ERC2: variants seen among roughly 807,000 people sequenced by gnomAD.
The protein encoded by ERC2 is ELKS/RAB6-interacting/CAST family member 2.
In ERC2, 42 loss-of-function variants were observed where a neutral mutation model predicts 114.8. The observed-to-expected ratio is 0.37, with a 90% CI of 0.29 to 0.47. ERC2 has a LOEUF of 0.47. Among genes scored for constraint, ERC2 ranks in the 20% least tolerant of loss-of-function variants. The pLI, the probability that ERC2 is intolerant of heterozygous loss-of-function variation, is 0.99. For synonymous variants in ERC2, 454 were observed against 425.5 expected (o/e 1.07, Z -0.82); for missense variants, 939 against 1,150.7 (o/e 0.82, Z 2.66).
intron 17 of ERC2, among the ~76,000 whole-genome samples, chr3:55,570,618 C>A (rs7609711): frequency 1.3e-5 from 2 of 152,002 alleles, no homozygotes; most frequent in African/African-American, 2.4e-5. Context: ...CTGGCATGCC[C>A]GGGGAAGAAC....
rs1168890399 is a variant in ERC2 at position 56,040,781 on chromosome 3, GAT to G, written c.1642-21752_1642-21751del. Among the ~76,000 whole-genome samples the G allele has an allele frequency of 2.4e-4, 11 of 45,160 alleles. No homozygotes were observed. The East Asian group carries it at 4.7e-3, about 19-fold the overall frequency. 29.6% of individuals were successfully genotyped at this position (45,160 alleles called of 152,430 possible). On this transcript the variant is annotated intron_variant, in intron 7 of 17. Coordinates refer to ENST00000288221, the MANE Select transcript of ERC2 (RefSeq NM_015576.3). ...AGATACATAGATCTCTATATATAGA[GAT>G]ATATATAGATATATATAGAGAGATA...
At chr3:56,047,236 C>G (rs994380069) in intron 7 of ERC2, among the ~76,000 whole-genome samples, 5 of 152,226 alleles carry the variant, frequency 3.3e-5, no homozygotes, top group African/African-American at 1.2e-4. Context: ...TCTCACAGAT[C>G]AATGTTTCGG....
chr3:56,376,522 T>C (rs907745434), intron 2 of ERC2, among the ~76,000 whole-genome samples: 1 of 151,668 alleles, frequency 6.6e-6, no homozygotes, highest in Non-Finnish European at 1.5e-5. Flanking sequence ...CCTAGCACTT[T>C]GGGAGGCCGA....
At chr3:55,893,384 G>C (rs1374879923) in intron 13 of ERC2, among the ~76,000 whole-genome samples, 1 of 152,128 alleles carries the variant, frequency 6.6e-6, no homozygotes, top group Non-Finnish European at 1.5e-5. Context: ...TGTCTCTACA[G>C]TTCTCACCTC....
At chr3:56,428,699 T>A (rs1183435678) in intron 2 of ERC2, among the ~76,000 whole-genome samples, 3 of 152,254 alleles carry the variant, frequency 2.0e-5, no homozygotes, top group Non-Finnish European at 2.9e-5. Flanking sequence ...AAATCCTATG[T>A]TGAAACTGGA....
At chr3:55,642,562 T>C (rs2060231684) in intron 17 of ERC2, among the ~76,000 whole-genome samples, 1 of 152,146 alleles carries the variant, frequency 6.6e-6, no homozygotes, top group Non-Finnish European at 1.5e-5. Context: ...CTCGAACTCC[T>C]GGCCTCAAGT....
chr3:56,346,532 A>G (rs922799719), intron 2 of ERC2, among the ~76,000 whole-genome samples: 9 of 152,218 alleles, frequency 5.9e-5, no homozygotes, highest in Non-Finnish European at 1.2e-4. Flanking sequence ...ACTAAAATTT[A>G]CACTAGAGAA....
intron 3 of ERC2, among the ~76,000 whole-genome samples, chr3:56,199,356 G>A (rs895857346): frequency 6.6e-6 from 1 of 152,150 alleles, no homozygotes; most frequent in East Asian, 1.9e-4. Flanking sequence ...GCAAAGGAAA[G>A]AGATTGGATG....
At chr3:56,397,609 A>G (rs116407402) in intron 2 of ERC2, among the ~76,000 whole-genome samples, 3,537 of 152,306 alleles carry the variant, frequency 0.023, 39 homozygotes, top group South Asian at 0.069. Context: ...CCAATGTTGC[A>G]TCTTATGGAT....
At chr3:55,897,978 C>T (rs1305680144) in intron 13 of ERC2, among the ~76,000 whole-genome samples, 1 of 152,188 alleles carries the variant, frequency 6.6e-6, no homozygotes, top group East Asian at 1.9e-4. Flanking sequence ...AACAAATGCC[C>T]ACATTAAGAA....
rs755656171 is a variant in ERC2, at chr3:56,149,019, T to C, written c.1263A>G (p.Gln421=). 90 of 1,613,372 alleles carry C rather than the reference T, an allele frequency of 5.6e-5. No homozygotes were observed. The Admixed American group carries it at 1.5e-3, about 27-fold the overall frequency. The part of the protein sequence containing the change: ...NTEDREEEIK[Q]IEVYKSHSKF... The stretch of plus-strand genomic sequence containing the variant: ...TGGAGTGACTTTTGTAAACCTCAAT[T>C]TGTTTGATCTCTTCTTCGCGGTCCT... The change falls in exon 5 of 18, where the codon CAA becomes CAG. Residue 421 remains glutamine (Q), a synonymous_variant. Coordinates refer to ENST00000288221, the MANE Select transcript of ERC2 (RefSeq NM_015576.3).
chr3:55,682,459 A>G (rs1414919820), intron 17 of ERC2, among the ~76,000 whole-genome samples: 2 of 152,136 alleles, frequency 1.3e-5, no homozygotes, highest in African/African-American at 4.8e-5. Flanking sequence ...GAAAACCACC[A>G]TCCTGTGAAC....
intron 3 of ERC2, among the ~76,000 whole-genome samples, chr3:56,246,738 C>G (rs1023147045): frequency 6.6e-6 from 1 of 152,192 alleles, no homozygotes; most frequent in African/African-American, 2.4e-5. Flanking sequence ...AAAGTCAACA[C>G]CAGTAGAACA....
intron 3 of ERC2, among the ~76,000 whole-genome samples, chr3:56,225,531 G>A (rs1006448293): frequency 6.6e-6 from 1 of 152,076 alleles, no homozygotes; most frequent in African/African-American, 2.4e-5. Context: ...CTTCATCATA[G>A]ATAACATTTA....
chr3:55,828,293 T>C (rs2060415353), intron 14 of ERC2, among the ~76,000 whole-genome samples: 1 of 152,136 alleles, frequency 6.6e-6, no homozygotes, highest in Non-Finnish European at 1.5e-5. Flanking sequence ...GCTCCAAAAG[T>C]GATGTGCCAG....
chr3:55,946,081 T>TAAAAATAA (rs1418484462), intron 13 of ERC2, among the ~76,000 whole-genome samples: 2 of 148,624 alleles, frequency 1.3e-5, no homozygotes, highest in African/African-American at 2.5e-5. Context: ...AAAAAATAAA[T>TAAAAATAA]AAAAATAAAA....
At chr3:56,285,223 G>A (rs572970326) in intron 3 of ERC2, among the ~76,000 whole-genome samples, 6 of 151,628 alleles carry the variant, frequency 4.0e-5, no homozygotes, top group African/African-American at 1.2e-4. Flanking sequence ...CAAGCAGATG[G>A]GGCTAGGAGT....
Position 55,576,575 on chromosome 3 carries a change from A to G in ERC2, c.*40-65299T>C, listed in dbSNP as rs532356005. 9.8e-5 allele frequency among the ~76,000 whole-genome samples: 15 copies of G among 152,324 alleles called. No individual in the cohort carries two copies. The South Asian group carries it at 2.7e-3, about 27-fold the overall frequency. ...CTTAGCATATGTGTGCTGCTGCCCA[A>G]GGGCTTCTCATCCCAATTTCCAGAG... On this transcript the variant is annotated intron_variant, in intron 17 of 17. Coordinates refer to ENST00000288221, the MANE Select transcript of ERC2 (RefSeq NM_015576.3).
chr3:55,991,857 T>C (rs1019689284), intron 11 of ERC2, among the ~76,000 whole-genome samples, 200 bp downstream of exon 11: 1 of 152,214 alleles, frequency 6.6e-6, no homozygotes, highest in African/African-American at 2.4e-5. Flanking sequence ...TGAAGAAGTA[T>C]ATAATCCCTC....
Sources: allele counts gnomAD v4.1 joint callset (sites outside exome capture counted in the v4.1 genomes callset), GRCh38; gene constraint gnomAD v4.1.1; transcripts MANE v1.5; gene names NCBI Gene and HGNC (gene_info 2026-07-23, HGNC 2026-07-21).